Variants in SORCS3 observed in about 807,000 individuals in gnomAD.
SORCS3 encodes sortilin related VPS10 domain containing receptor 3.
In SORCS3, 57 loss-of-function variants were observed where a neutral mutation model predicts 146.3. The ratio of observed to expected loss-of-function variants is 0.39; its 90% confidence interval spans 0.31 to 0.49. The LOEUF (loss-of-function observed/expected upper bound fraction) is 0.49. SORCS3 is among the 20% of genes least tolerant of loss of function. The pLI is 0.92. For missense variants in SORCS3, 1,341 were observed against 1,575.5 expected (o/e 0.85, Z 2.52); for synonymous variants, 653 against 618.5 (o/e 1.06, Z -0.83).
At chr10:105,233,446 G>A (rs549764797) in intron 20 of SORCS3, among the ~76,000 whole-genome samples, 57 of 152,124 alleles carry the variant, frequency 3.7e-4, no homozygotes, top group African/African-American at 1.2e-3. Context: ...TGGGGTACAT[G>A]TGAAGAACAT....
chr10:104,794,520 A>G (rs1049303629), intron 1 of SORCS3, among the ~76,000 whole-genome samples: 12 of 151,814 alleles, frequency 7.9e-5, no homozygotes, highest in African/African-American at 2.9e-4. Context: ...TCCAGGGGAA[A>G]TGGACCAGAA....
intron 14 of SORCS3, among the ~76,000 whole-genome samples, chr10:105,190,819 G>A (rs1382612488): frequency 1.3e-5 from 2 of 152,112 alleles, no homozygotes; most frequent in Non-Finnish European, 2.9e-5. Flanking sequence ...TGCCCACAAA[G>A]TTCTTAGACA....
intron 1 of SORCS3, among the ~76,000 whole-genome samples, chr10:104,828,332 T>C (rs1166851914): frequency 2.6e-5 from 4 of 152,130 alleles, no homozygotes; most frequent in Admixed American, 2.6e-4. Context: ...TTCAGTATTG[T>C]TGTGTCTCAG....
intron 4 of SORCS3, among the ~76,000 whole-genome samples, chr10:104,991,036 C>G (rs943772248): frequency 2.6e-5 from 4 of 152,180 alleles, no homozygotes; most frequent in African/African-American, 9.7e-5. Context: ...CCAGAGCAAG[C>G]AAAATCAACT....
At chr10:105,258,709 T>A (rs2056944441) in intron 25 of SORCS3, among the ~76,000 whole-genome samples, 1 of 152,256 alleles carries the variant, frequency 6.6e-6, no homozygotes, top group Non-Finnish European at 1.5e-5. Context: ...CATCTTTAGA[T>A]GTATACACTT....
At chr10:104,950,550 A>C (rs2019417944) in intron 3 of SORCS3, among the ~76,000 whole-genome samples, 1 of 152,176 alleles carries the variant, frequency 6.6e-6, no homozygotes, top group African/African-American at 2.4e-5. Flanking sequence ...TGCGATTATA[A>C]TTTTAAGGCT....
chr10:104,687,940 C>T (rs535062746), intron 1 of SORCS3, among the ~76,000 whole-genome samples: 1 of 152,252 alleles, frequency 6.6e-6, no homozygotes, highest in South Asian at 2.1e-4. Flanking sequence ...CACATAACAG[C>T]CCAAGAATTT....
chr10:104,817,368 C>T (rs2017809725), intron 1 of SORCS3, among the ~76,000 whole-genome samples: 2 of 95,288 alleles, frequency 2.1e-5, no homozygotes, highest in African/African-American at 8.4e-5. Context: ...TTCCACCCTT[C>T]TCCCCTTCCT....
At chr10:104,744,114 G>C (rs1026629663) in intron 1 of SORCS3, among the ~76,000 whole-genome samples, 1 of 152,152 alleles carries the variant, frequency 6.6e-6, no homozygotes, top group African/African-American at 2.4e-5. Context: ...GCTTGCCCAT[G>C]GTGGCTGGCA....
chr10:104,836,802 A>G (rs1483516641), intron 1 of SORCS3, among the ~76,000 whole-genome samples: 1 of 151,986 alleles, frequency 6.6e-6, no homozygotes, highest in African/African-American at 2.4e-5. Context: ...CACAGCCCAT[A>G]CTGCTCCATC....
chr10:105,010,822 C>T (rs1225279479), intron 4 of SORCS3, among the ~76,000 whole-genome samples: 5 of 151,704 alleles, frequency 3.3e-5, no homozygotes, highest in African/African-American at 9.7e-5. Flanking sequence ...TCCAGGGAGA[C>T]GCTCAGGGTT....
At chr10:104,873,809 G>T (rs1433614031) in intron 2 of SORCS3, among the ~76,000 whole-genome samples, 2 of 152,164 alleles carry the variant, frequency 1.3e-5, no homozygotes, top group African/African-American at 4.8e-5. Context: ...AAGGAAAACA[G>T]AATTTCTCAA....
intron 13 of SORCS3, among the ~76,000 whole-genome samples, chr10:105,176,638 G>T (rs751619595): frequency 6.6e-6 from 1 of 151,928 alleles, no homozygotes; most frequent in Admixed American, 6.6e-5. Context: ...GGTGGGTTAC[G>T]AGGCCAGAAG....
At chr10:104,971,620 C>A (rs906161223) in intron 3 of SORCS3, among the ~76,000 whole-genome samples, 1 of 152,124 alleles carries the variant, frequency 6.6e-6, no homozygotes, top group South Asian at 2.1e-4. Flanking sequence ...GCTTCCAAAT[C>A]TGTGACTGAG....
chr10:105,216,012 G>T (rs1218186828), intron 18 of SORCS3, among the ~76,000 whole-genome samples: 1 of 151,916 alleles, frequency 6.6e-6, no homozygotes, highest in African/African-American at 2.4e-5. Flanking sequence ...GAAGAATGAG[G>T]TTCAGCATAG....
chr10:104,759,934 G>T (rs2017100584), intron 1 of SORCS3, among the ~76,000 whole-genome samples: 1 of 152,156 alleles, frequency 6.6e-6, no homozygotes, highest in South Asian at 2.1e-4. Context: ...ATTCTGGAAG[G>T]TTCTAGAGAA....
intron 5 of SORCS3, among the ~76,000 whole-genome samples, chr10:105,070,933 A>G (rs958343335): frequency 6.6e-6 from 1 of 152,244 alleles, no homozygotes; most frequent in African/African-American, 2.4e-5. Flanking sequence ...ATTTGCCATC[A>G]TTAAGGAAAA....
chr10:104,886,995 C>G (rs899285213), intron 2 of SORCS3, among the ~76,000 whole-genome samples: 1 of 152,086 alleles, frequency 6.6e-6, no homozygotes, highest in Admixed American at 6.5e-5. Flanking sequence ...CCTAGTGATT[C>G]AAATTTTTTC....
At chr10:104,974,443 T>G (rs2054881569) in intron 3 of SORCS3, among the ~76,000 whole-genome samples, 1 of 152,186 alleles carries the variant, frequency 6.6e-6, no homozygotes, top group Admixed American at 6.5e-5. Flanking sequence ...CCTTTACCAT[T>G]ATGTAATGGC....
Sources: allele counts gnomAD v4.1 joint callset (sites outside exome capture counted in the v4.1 genomes callset), GRCh38; gene constraint gnomAD v4.1.1; transcripts MANE v1.5; gene names NCBI Gene and HGNC (gene_info 2026-07-23, HGNC 2026-07-21).